The following TLK1 variants were observed in gnomAD, a reference collection of about 807,000 sequenced individuals.
TLK1 encodes tousled like kinase 1.
Under a neutral mutation model 105.3 loss-of-function variants are expected in TLK1, and 24 were observed. That is an observed-to-expected ratio of 0.23 (90% CI 0.17 to 0.32). The LOEUF (loss-of-function observed/expected upper bound fraction) is 0.32, where lower values mean the gene tolerates loss of function less well. Ranked by LOEUF, TLK1 falls within the 10% of genes least tolerant of loss-of-function variation. The pLI is 1.00. For synonymous variants in TLK1, 321 were observed against 310.4 expected (o/e 1.03, Z -0.36); for missense variants, 558 against 910.5 (o/e 0.61, Z 4.98).
At chr2:171,028,673 T>C (rs891781983) in intron 11 of TLK1, among the ~76,000 whole-genome samples, 1 of 152,202 alleles carries the variant, frequency 6.6e-6, no homozygotes, top group Non-Finnish European at 1.5e-5. Flanking sequence ...TACTTTTAGA[T>C]GAAACAGTTA....
chr2:171,214,712 T>A (rs781451411), intron 1 of TLK1, among the ~76,000 whole-genome samples: 1 of 152,268 alleles, frequency 6.6e-6, no homozygotes, highest in Non-Finnish European at 1.5e-5. Flanking sequence ...GACCAATGTA[T>A]GATAAGAACT....
At chr2:171,169,172 C>CT (rs1692676472) in intron 1 of TLK1, among the ~76,000 whole-genome samples, 1 of 152,002 alleles carries the variant, frequency 6.6e-6, no homozygotes, top group Admixed American at 6.5e-5. Flanking sequence ...TGTGTCTGTG[C>CT]TTTTTCTCTT....
Position 171,128,169 on chromosome 2 carries a change from A to C in TLK1, c.140-10312T>G, listed in dbSNP as rs1259739429. ...GAGACCAAATAATTCATATAAGGAG[A>C]TATGGCTTGCATCAGAGTTACTAAA... On this transcript the variant is annotated intron_variant, in intron 1 of 20. Transcript: ENST00000431350. Among the ~76,000 whole-genome samples, 3 of 152,168 alleles carry C rather than the reference A, an allele frequency of 2.0e-5. No individual in the cohort carries two copies. In the East Asian group the frequency reaches 5.8e-4, roughly 29 times the overall value.
At chr2:171,184,019 G>A (rs1047540494) in intron 1 of TLK1, among the ~76,000 whole-genome samples, 1 of 152,144 alleles carries the variant, frequency 6.6e-6, no homozygotes, top group Admixed American at 6.6e-5. Flanking sequence ...GTCTGGGTGG[G>A]TCCAATCTAA....
chr2:171,120,462 A>C (rs1690610144), intron 1 of TLK1, among the ~76,000 whole-genome samples: 1 of 152,128 alleles, frequency 6.6e-6, no homozygotes, highest in African/African-American at 2.4e-5. Context: ...AAAAAACCCA[A>C]TTAAAAAATG....
intron 11 of TLK1, among the ~76,000 whole-genome samples, chr2:171,036,099 T>C (rs1364968001): frequency 1.3e-5 from 2 of 152,180 alleles, no homozygotes; most frequent in African/African-American, 4.8e-5. Flanking sequence ...CCTAAAAACA[T>C]GGAAGTGGCT....
intron 1 of TLK1, among the ~76,000 whole-genome samples, chr2:171,230,415 A>T (rs915122607): frequency 6.6e-6 from 1 of 152,210 alleles, no homozygotes; most frequent in Non-Finnish European, 1.5e-5. Context: ...TGTTTTCCAA[A>T]TTCCGAATTC....
At chr2:171,147,262 A>G (rs532870593) in intron 1 of TLK1, among the ~76,000 whole-genome samples, 1 of 152,346 alleles carries the variant, frequency 6.6e-6, no homozygotes, top group African/African-American at 2.4e-5. Context: ...AGTTTTCTAT[A>G]AAACTCTATA....
At chr2:171,152,308 G>C (rs968236029) in intron 1 of TLK1, among the ~76,000 whole-genome samples, 2 of 152,076 alleles carry the variant, frequency 1.3e-5, no homozygotes, top group Admixed American at 1.3e-4. Context: ...TTAAATACAG[G>C]TTAAATTGCC....
chr2:171,190,709 C>T (rs1268451765), intron 1 of TLK1, among the ~76,000 whole-genome samples: 1 of 152,070 alleles, frequency 6.6e-6, no homozygotes, highest in Non-Finnish European at 1.5e-5. Context: ...AAACAAAAAG[C>T]GTGCAGCAAA....
At chr2:171,175,169 G>A (rs940671164) in intron 1 of TLK1, among the ~76,000 whole-genome samples, 1 of 152,080 alleles carries the variant, frequency 6.6e-6, no homozygotes, top group Admixed American at 6.5e-5. Context: ...GGAGGTCAAG[G>A]CTGCAGTGAG....
At chr2:171,086,931 A>G (rs1229606241) in intron 2 of TLK1, among the ~76,000 whole-genome samples, 1 of 152,206 alleles carries the variant, frequency 6.6e-6, no homozygotes, top group Non-Finnish European at 1.5e-5. Flanking sequence ...TCAGTGATCT[A>G]TGCAAAAACG....
intron 3 of TLK1, chr2:171,067,036 C>A: frequency 6.9e-7 from 1 of 1,447,272 alleles, no homozygotes; most frequent in Non-Finnish European, 9.2e-7. Context: ...AATGGAGTAA[C>A]ATACTCCTGT....
chr2:171,227,254 C>T (rs1379714130), intron 1 of TLK1, among the ~76,000 whole-genome samples: 1 of 152,198 alleles, frequency 6.6e-6, no homozygotes, highest in African/African-American at 2.4e-5. Flanking sequence ...AATTTATCTC[C>T]TGACCTCATG....
Position 171,053,785 on chromosome 2 carries a change from C to A in TLK1, c.708G>T (p.Glu236Asp), listed in dbSNP as rs376103918. 1.3e-5 allele frequency: 21 copies of A among 1,610,454 alleles called. No individual in the cohort carries two copies. Among genetic ancestry groups the A allele is most frequent in the Non-Finnish European group, 1.7e-5 (20 of 1,178,200 alleles). ...CCCTGAGCAAATCATCTATACGTCC[C>A]TCCTTCTTTTCCAGGTCCTGGATTT... The part of the protein sequence containing the change: ...SNKIQDLEKK[E>D]GRIDDLLRAN... Residue 236 changes from glutamate (E) to aspartate (D), a missense_variant, in exon 8 of 21, where the codon GAG (glutamate) becomes GAT (aspartate). By Grantham distance (45) the Glu-to-Asp change is conservative. Around this residue, in one of 5 missense-constraint regions of TLK1, gnomAD observed 196 missense variants for 239.3 expected, o/e 0.82. Coordinates refer to ENST00000431350, the MANE Select transcript of TLK1 (RefSeq NM_012290.5).
chr2:171,197,430 G>A (rs577926369), intron 1 of TLK1, among the ~76,000 whole-genome samples: 2 of 152,208 alleles, frequency 1.3e-5, no homozygotes, highest in South Asian at 4.1e-4. Context: ...ACATTCAATA[G>A]TATTCAATGT....
In TLK1 at chr2:171,147,810, G is replaced by T. The variant is rs145218115; in HGVS notation, c.139+12480C>A. 3.8e-4 allele frequency among the ~76,000 whole-genome samples: 58 copies of T among 152,156 alleles called. 3 individuals are homozygous for T. The East Asian group carries it at 0.01, about 27-fold the overall frequency. On this transcript the variant is annotated intron_variant, in intron 1 of 20. Transcript: ENST00000431350. ...TCTGTGGCTTTAGAATTGATCACAT[G>T]TATGAGACGCAGTTATACCATTTAA...
intron 1 of TLK1, among the ~76,000 whole-genome samples, chr2:171,172,261 G>A (rs781591684): frequency 6.6e-5 from 10 of 152,180 alleles, no homozygotes; most frequent in Non-Finnish European, 1.0e-4. Context: ...CCCTTGAGAG[G>A]ATAGGAGGGA....
chr2:171,060,226 C>T (rs1417259865), intron 4 of TLK1, among the ~76,000 whole-genome samples: 1 of 152,124 alleles, frequency 6.6e-6, no homozygotes, highest in East Asian at 1.9e-4. Context: ...TATTCGGGGG[C>T]TTGTTTTTGA....
Sources: allele counts gnomAD v4.1 joint callset (sites outside exome capture counted in the v4.1 genomes callset), GRCh38; gene constraint gnomAD v4.1.1; regional missense constraint gnomAD v4.1.1; transcripts MANE v1.5; gene names NCBI Gene and HGNC (gene_info 2026-07-23, HGNC 2026-07-21).